Variants in BLK observed in about 807,000 individuals in gnomAD.
The protein encoded by BLK is tyrosine-protein kinase Blk.
A neutral mutation model predicts 61.8 loss-of-function variants in BLK; 64 were observed. That is an observed-to-expected ratio of 1.03 (90% CI 0.85 to 1.27). The LOEUF (loss-of-function observed/expected upper bound fraction) is 1.27. Ranked by LOEUF, BLK falls within the 50% of genes most tolerant of loss-of-function variation. The pLI is 0.00. For missense variants in BLK, 853 were observed against 660.5 expected, an observed-to-expected ratio of 1.29 and a Z score of -3.19; for synonymous variants, 351 against 272.0, an observed-to-expected ratio of 1.29 and a Z score of -2.86.
At chr8:11,555,754 T>C (rs976356348) in intron 8 of BLK, 1 of 533,564 alleles carries the variant, frequency 1.9e-6, no homozygotes, top group Non-Finnish European at 3.4e-6. Context: ...GTTCTCTGCC[T>C]GAAGCTGGCT....
chr8:11,530,713 A>T (rs1799850783), intron 1 of BLK, among the ~76,000 whole-genome samples: 1 of 93,858 alleles, frequency 1.1e-5, no homozygotes, highest in Non-Finnish European at 2.1e-5. Flanking sequence ...GAAAAACAAA[A>T]CAAAAAGAAT....
intron 1 of BLK, among the ~76,000 whole-genome samples, chr8:11,515,348 C>T (rs1411368434): frequency 6.6e-6 from 1 of 152,090 alleles, no homozygotes; most frequent in Non-Finnish European, 1.5e-5. Flanking sequence ...GTCTGGAAGC[C>T]GGCCTCCTGG....
chr8:11,556,665 C>A lies in BLK; in HGVS notation c.780C>A (p.Tyr260Ter). 6 of 1,614,118 alleles carry A rather than the reference C, an allele frequency of 3.7e-6. No individual in the cohort carries two copies. Among genetic ancestry groups the A allele is most frequent in the Middle Eastern group, 3.3e-4 (2 of 6,062 alleles). ...TCACTCCCCCGGGCTCAGGTTACTACAAAAACAACATGAAGGTGGCCATTA... is the reference window on the plus strand; with the variant it reads ...TCACTCCCCCGGGCTCAGGTTACTAAAAAAACAACATGAAGGTGGCCATTA... ...GQFGEVWMGYYKNNMKVAIKT... is the reference protein window; with the variant it reads ...GQFGEVWMGY Residue 260 changes from tyrosine to a stop codon, truncating the protein, a stop_gained, in exon 9 of 13, where the codon TAC becomes TAA. Transcript: ENST00000259089. LOFTEE classifies it high-confidence loss of function.
At chr8:11,545,149 C>T (rs17329884) in intron 2 of BLK, among the ~76,000 whole-genome samples, 10,059 of 152,294 alleles carry the variant, frequency 0.066, 858 homozygotes, top group African/African-American at 0.2. Context: ...GCATGTGAAA[C>T]ATATCGACGT....
chr8:11,522,810 G>C (rs1034155824), intron 1 of BLK, among the ~76,000 whole-genome samples: 2 of 151,852 alleles, frequency 1.3e-5, no homozygotes, highest in Admixed American at 6.6e-5. Context: ...AAAACATACA[G>C]AGTAGCAATA....
chr8:11,502,204 A>C (rs562611143), intron 1 of BLK, among the ~76,000 whole-genome samples: 1 of 152,384 alleles, frequency 6.6e-6, no homozygotes, highest in East Asian at 1.9e-4. Context: ...TTAAGTATTT[A>C]TAACCTTTGT....
chr8:11,543,813 T>C (rs188042244), intron 2 of BLK, among the ~76,000 whole-genome samples: 1 of 152,314 alleles, frequency 6.6e-6, no homozygotes, highest in Admixed American at 6.5e-5. Flanking sequence ...CCATGGGCAT[T>C]TTAAATGAGG....
chr8:11,559,126 G>A (rs11785333), intron 10 of BLK: 212,851 of 386,006 alleles, frequency 0.55, 61,930 homozygotes, highest in Non-Finnish European at 0.62. Flanking sequence ...ACCCCCTTGG[G>A]AAATCTCGTG....
chr8:11,525,596 A>C (rs1799623045), intron 1 of BLK, among the ~76,000 whole-genome samples: 1 of 152,054 alleles, frequency 6.6e-6, no homozygotes, highest in Non-Finnish European at 1.5e-5. Context: ...GCTTAACTTG[A>C]TTTTATTATT....
chr8:11,520,307 C>A (rs1193482352), intron 1 of BLK, among the ~76,000 whole-genome samples: 1 of 151,030 alleles, frequency 6.6e-6, no homozygotes, highest in Non-Finnish European at 1.5e-5. Context: ...TGAAAACCTC[C>A]CTCTATAAAA....
At chr8:11,543,192 C>A (rs780509510) in intron 1 of BLK, 32 bp from the exon 2 acceptor site, 6 of 1,613,234 alleles carry the variant, frequency 3.7e-6, no homozygotes, top group South Asian at 2.2e-5. Context: ...CCCGCTCTCT[C>A]ATGTCCTCTG....
chr8:11,501,909 T>C (rs1259233775), intron 1 of BLK, among the ~76,000 whole-genome samples: 2 of 152,276 alleles, frequency 1.3e-5, no homozygotes, highest in Non-Finnish European at 2.9e-5. Context: ...CTCAATGTTT[T>C]GTGCTACTCA....
intron 1 of BLK, among the ~76,000 whole-genome samples, chr8:11,500,237 A>G (rs1798506185): frequency 6.6e-6 from 1 of 152,204 alleles, no homozygotes; most frequent in Non-Finnish European, 1.5e-5. Context: ...TCTGTTGCCC[A>G]GGCTGGAGTG....
intron 1 of BLK, among the ~76,000 whole-genome samples, chr8:11,498,694 T>C (rs1369678188): frequency 6.6e-6 from 1 of 152,208 alleles, no homozygotes; most frequent in Admixed American, 6.5e-5. Context: ...CTTCCTGAGA[T>C]GATAATAGTT....
At chr8:11,556,881 G>A (rs1461600301) in intron 9 of BLK, 44 bp downstream of exon 9, 1 of 1,603,680 alleles carries the variant, frequency 6.2e-7, no homozygotes, top group Non-Finnish European at 8.5e-7. Flanking sequence ...GAGGCGGGAG[G>A]GCCGGGCTTA....
intron 10 of BLK, chr8:11,558,778 T>C (rs185021971): frequency 2.5e-4 from 112 of 455,806 alleles, no homozygotes; most frequent in African/African-American, 1.8e-3. Context: ...AGCAGAAAAG[T>C]TTTGGTCTGT....
At chr8:11,503,504 C>A (rs1585319921) in intron 1 of BLK, among the ~76,000 whole-genome samples, 1 of 152,114 alleles carries the variant, frequency 6.6e-6, no homozygotes, top group Non-Finnish European at 1.5e-5. Flanking sequence ...CTATTTTTTT[C>A]TGCTCCATCC....
chr8:11,563,495 C>A (rs796893980), intron 12 of BLK, among the ~76,000 whole-genome samples: 81 of 152,342 alleles, frequency 5.3e-4, no homozygotes, highest in African/African-American at 1.8e-3. Context: ...ACGACAGCCC[C>A]CAGCCCCAGT....
At chr8:11,535,820 A>C (rs62489135) in intron 1 of BLK, among the ~76,000 whole-genome samples, 20,807 of 152,180 alleles carry the variant, frequency 0.14, 1,641 homozygotes, top group East Asian at 0.25. Context: ...AATCTAATGG[A>C]GCCTACAGAG....
Sources: gnomAD v4.1 joint callset for allele counts (sites outside exome capture counted in the v4.1 genomes callset) on GRCh38, gnomAD v4.1.1 for gene constraint, MANE v1.5 for transcripts, NCBI Gene and HGNC (gene_info 2026-07-23, HGNC 2026-07-21) for gene names.